Variants in DLC1 observed in about 807,000 individuals in gnomAD.
DLC1 encodes the protein DLC1 Rho GTPase activating protein, also known as rho GTPase-activating protein 7.
DLC1 carries 54 observed loss-of-function variants against 140.3 expected under a neutral mutation model. The observed-to-expected ratio is 0.38, with a 90% CI of 0.31 to 0.48. The LOEUF (loss-of-function observed/expected upper bound fraction) is 0.48. DLC1 is among the 20% of genes least tolerant of loss of function. DLC1 has a pLI of 0.96. For missense variants in DLC1, 2,536 were observed against 1,907.0 expected, an observed-to-expected ratio of 1.33 and a Z score of -6.14; for synonymous variants, 986 against 728.1, an observed-to-expected ratio of 1.35 and a Z score of -5.70.
chr8:13,219,395 T>TTATACTTATATAATTCA (rs1470057526), intron 5 of DLC1, among the ~76,000 whole-genome samples: 3 of 141,528 alleles, frequency 2.1e-5, no homozygotes, highest in African/African-American at 8.0e-5. Flanking sequence ...TTTCATATAA[T>TTATACTTATATAATTCA]TATACTTATA....
At chr8:13,209,540 T>G (rs1379796783) in intron 5 of DLC1, among the ~76,000 whole-genome samples, 1 of 152,166 alleles carries the variant, frequency 6.6e-6, no homozygotes, top group African/African-American at 2.4e-5. Context: ...TGATACAGTT[T>G]GGATGTTGTC....
chr8:13,321,362 A>G (rs1214143433), intron 4 of DLC1, among the ~76,000 whole-genome samples: 1 of 151,750 alleles, frequency 6.6e-6, no homozygotes, highest in Non-Finnish European at 1.5e-5. Flanking sequence ...ACATGGTGAA[A>G]CCCCATCTCT....
intron 5 of DLC1, among the ~76,000 whole-genome samples, chr8:13,173,570 C>G (rs1467296655): frequency 6.6e-6 from 1 of 152,168 alleles, no homozygotes; most frequent in Non-Finnish European, 1.5e-5. Flanking sequence ...CGGGGTTTCA[C>G]TTTGGTGGCC....
intron 15 of DLC1, 90 bp downstream of exon 15, chr8:13,090,162 G>C (rs1036956396): frequency 7.9e-7 from 1 of 1,270,998 alleles, no homozygotes; most frequent in Non-Finnish European, 1.1e-6. Flanking sequence ...CAGATCCCCA[G>C]ACAGATTAGT....
At chr8:13,220,218 T>C (rs908352025) in intron 5 of DLC1, among the ~76,000 whole-genome samples, 1 of 152,210 alleles carries the variant, frequency 6.6e-6, no homozygotes, top group Non-Finnish European at 1.5e-5. Flanking sequence ...CATTGAGTCA[T>C]TTTGGTCTCT....
At chr8:13,198,325 G>A (rs1827183976) in intron 5 of DLC1, among the ~76,000 whole-genome samples, 1 of 152,090 alleles carries the variant, frequency 6.6e-6, no homozygotes, top group African/African-American at 2.4e-5. Flanking sequence ...CATTTGTTTT[G>A]AATTGGTACC....
chr8:13,155,364 G>GAAA (rs112251278), intron 5 of DLC1, among the ~76,000 whole-genome samples: 1 of 150,050 alleles, frequency 6.7e-6, no homozygotes. Flanking sequence ...AAAAGCAAAT[G>GAAA]AAAAATAAAA....
chr8:13,316,998 T>G (rs1357391005), intron 4 of DLC1, among the ~76,000 whole-genome samples: 1 of 152,182 alleles, frequency 6.6e-6, no homozygotes, highest in Non-Finnish European at 1.5e-5. Context: ...TCTCTTCCTA[T>G]GTGGAGAGTT....
At chr8:13,123,150 G>A (rs543123896) in intron 5 of DLC1, among the ~76,000 whole-genome samples, 18 of 152,142 alleles carry the variant, frequency 1.2e-4, no homozygotes, top group Non-Finnish European at 1.8e-4. Context: ...CAAGGTCCAC[G>A]TGTTTGTTAA....
intron 5 of DLC1, among the ~76,000 whole-genome samples, chr8:13,205,901 G>C (rs1341425042): frequency 1.3e-5 from 2 of 152,164 alleles, no homozygotes; most frequent in African/African-American, 2.4e-5. Flanking sequence ...AGGAACTATT[G>C]ATGTTTTGAC....
At chr8:13,168,068 A>T (rs528054641) in intron 5 of DLC1, among the ~76,000 whole-genome samples, 2 of 152,302 alleles carry the variant, frequency 1.3e-5, no homozygotes, top group African/African-American at 4.8e-5. Flanking sequence ...ATGTTGTCTC[A>T]GATTGGCCTC....
chr8:13,596,224 A>G (rs187836222), intron 1 of DLC1, among the ~76,000 whole-genome samples: 1 of 152,088 alleles, frequency 6.6e-6, no homozygotes, highest in Admixed American at 6.5e-5. Flanking sequence ...TTATAGAAAG[A>G]TGTTAGGAAC....
chr8:13,563,224 A>G (rs531970905), intron 1 of DLC1, among the ~76,000 whole-genome samples: 5 of 152,298 alleles, frequency 3.3e-5, no homozygotes, highest in Non-Finnish European at 7.4e-5. Context: ...CCTGATTCTA[A>G]CACTTCAACT....
chr8:13,434,170 C>G (rs1023907712), intron 2 of DLC1, among the ~76,000 whole-genome samples: 3 of 152,164 alleles, frequency 2.0e-5, no homozygotes, highest in Non-Finnish European at 4.4e-5. Flanking sequence ...AGCCACTGCG[C>G]CCAGCCACAA....
At chr8:13,426,381 A>G (rs1226704252) in intron 2 of DLC1, among the ~76,000 whole-genome samples, 6 of 152,188 alleles carry the variant, frequency 3.9e-5, no homozygotes, top group Non-Finnish European at 8.8e-5. Flanking sequence ...ACATGTTTTT[A>G]TTACTAGTAG....
rs775437639 is a variant in DLC1, at chr8:13,366,355, G to A, written c.1314+27198C>T. On this transcript the variant is annotated intron_variant, in intron 4 of 17. Transcript: ENST00000276297. ...GCGCTGTCCTAAGTATGATGATATC[G>A]TAGTGATTAAGATGGACACTGTCCA... 1.6e-4 allele frequency among the ~76,000 whole-genome samples: 24 copies of A among 152,274 alleles called. No individual in the cohort carries two copies. The East Asian group carries it at 2.3e-3, about 15-fold the overall frequency.
At chr8:13,366,794 T>C (rs1391589510) in intron 4 of DLC1, among the ~76,000 whole-genome samples, 1 of 152,118 alleles carries the variant, frequency 6.6e-6, no homozygotes, top group Non-Finnish European at 1.5e-5. Flanking sequence ...CCCTTTCCCC[T>C]CTGGGTCGAA....
rs746762491 is a variant in DLC1 at position 13,092,619 on chromosome 8, A to G, written c.3733T>C (p.Ser1245Pro). The change falls in exon 13 of 18, where the codon TCT (serine) becomes CCT (proline). Residue 1245 changes from serine to proline, a missense_variant. Transcript: ENST00000276297. ...CTCCCATGCAGCCCGTACCTGGGAGAGGAATTCTCTCTCTTCAGGGTGTTG... is the reference window on the plus strand; with the variant it reads ...CTCCCATGCAGCCCGTACCTGGGAGGGGAATTCTCTCTCTTCAGGGTGTTG... ...HLNTLKRENS[S>P]PRVMQRKQSL... is the part of the protein sequence containing the mutation. The G allele has an allele frequency of 6.2e-7, 1 of 1,614,064 alleles. No homozygotes were observed. Among genetic ancestry groups the G allele is most frequent in the East Asian group, 2.2e-5 (1 of 44,868 alleles).
chr8:13,531,588 C>T (rs1317660714), intron 1 of DLC1, among the ~76,000 whole-genome samples: 1 of 150,286 alleles, frequency 6.7e-6, no homozygotes, highest in Non-Finnish European at 1.5e-5. Context: ...TGTCTAAAAA[C>T]AAACAAACCA....
Sources: gnomAD v4.1 joint callset for allele counts (sites outside exome capture counted in the v4.1 genomes callset) on GRCh38, gnomAD v4.1.1 for gene constraint, MANE v1.5 for transcripts, NCBI Gene and HGNC (gene_info 2026-07-23, HGNC 2026-07-21) for gene names.